MED24: variants seen among roughly 807,000 people sequenced by gnomAD.
The protein encoded by MED24 is mediator of RNA polymerase II transcription subunit 24.
MED24 carries 74 observed loss-of-function variants against 118.8 expected under a neutral mutation model. The ratio of observed to expected loss-of-function variants is 0.62; its 90% CI spans 0.52 to 0.76. MED24 has a LOEUF of 0.76. Ranked by LOEUF, MED24 falls within the 30% of genes least tolerant of loss-of-function variation. The pLI is 0.00. For synonymous variants in MED24, 521 were observed against 523.9 expected, an observed-to-expected ratio of 0.99 and a Z score of 0.08; for missense variants, 1,041 against 1,278.9, an observed-to-expected ratio of 0.81 and a Z score of 2.84.
intron 25 of MED24, 55 bp from the exon 26 acceptor site, chr17:40,019,700 C>T: frequency 2.5e-6 from 4 of 1,585,232 alleles, no homozygotes; most frequent in Non-Finnish European, 3.4e-6. Context: ...GGTGTGCTGT[C>T]CCAGGGGGAA....
At chr17:40,054,004 C>A (rs1014622641) in intron 1 of MED24, 1 of 304,554 alleles carries the variant, frequency 3.3e-6, no homozygotes, top group Non-Finnish European at 6.2e-6. Flanking sequence ...GTGGTGCATG[C>A]CTGTAATCCC....
At chr17:40,034,371 C>G (rs1983710733) in intron 6 of MED24, among the ~76,000 whole-genome samples, 1 of 152,162 alleles carries the variant, frequency 6.6e-6, no homozygotes, top group Admixed American at 6.5e-5. Context: ...ATATACTAGT[C>G]CTAAAACAAG....
At chr17:40,038,699 G>C (rs2144938488) in intron 3 of MED24, among the ~76,000 whole-genome samples, 1 of 143,090 alleles carries the variant, frequency 7.0e-6, no homozygotes, top group South Asian at 2.2e-4. Context: ...GACAGAGCAA[G>C]ACTCCATCTC....
intron 3 of MED24, among the ~76,000 whole-genome samples, chr17:40,047,790 C>T (rs1184588000): frequency 2.6e-5 from 4 of 152,012 alleles, no homozygotes; most frequent in African/African-American, 9.7e-5. Context: ...AGCACAATGG[C>T]GCAATCTCGG....
intron 18 of MED24, 125 bp downstream of exon 18, chr17:40,026,522 A>C (rs1210968338): frequency 8.7e-7 from 1 of 1,154,000 alleles, no homozygotes; most frequent in Non-Finnish European, 1.2e-6. Context: ...CGATTACACA[A>C]AATATCAATA....
rs574991562 is a variant in MED24 at position 40,040,624 on chromosome 17, C to CT, written c.214-4471dup. Among the ~76,000 whole-genome samples, 809 of 142,122 alleles carry CT rather than the reference C, an allele frequency of 5.7e-3. 5 individuals are homozygous for CT. The highest frequency in any genetic ancestry group is 0.016 in the African/African-American group (632 of 38,922). The allele number at this position is 142,122 out of a possible 152,430, so 93.2% of individuals were successfully genotyped here. A position where few individuals can be genotyped will look rare whatever the true frequency, so the allele number is the denominator to read the frequency against. The stretch of plus-strand genomic sequence containing the variant: ...AAGTTTTTTTTTTTAATTTTATTTT[C>CT]TTTTTTTTTTTTGAGACAGATTCTC... On this transcript the variant is annotated intron_variant, in intron 3 of 25. Coordinates refer to ENST00000394128, the MANE Select transcript of MED24 (RefSeq NM_014815.4).
chr17:40,049,905 T>C (rs1253888637), intron 3 of MED24, among the ~76,000 whole-genome samples: 2 of 151,286 alleles, frequency 1.3e-5, no homozygotes, highest in African/African-American at 2.4e-5. Context: ...ATCCCAGCAC[T>C]TTGGGAGGCC....
rs751112314 is a variant in MED24, at chr17:40,019,781, T to C, written c.2853+4A>G. 1 of 1,612,106 alleles carries C rather than the reference T, an allele frequency of 6.2e-7. No homozygotes were observed. Reference sequence around the variant, plus strand: ...AGCAGGAGAGCCGGGAAGGTGGTACTCACGGTGGTGAAGGGCATGAACTGC... The same window carrying C: ...AGCAGGAGAGCCGGGAAGGTGGTACCCACGGTGGTGAAGGGCATGAACTGC... On this transcript the variant is annotated splice_donor_region_variant and intron_variant, in intron 25 of 25. Transcript: ENST00000394128.
chr17:40,027,300 C>A (rs1197352382), intron 16 of MED24, 83 bp downstream of exon 16: 5 of 1,440,588 alleles, frequency 3.5e-6, no homozygotes, highest in African/African-American at 2.8e-5. Flanking sequence ...TGAGAGGCTG[C>A]GGGGGCGCAG....
chr17:40,023,762 T>C, intron 19 of MED24: 1 of 192,714 alleles, frequency 5.2e-6, no homozygotes. Context: ...CTAGGCTGAG[T>C]GCTTGGGGGT....
chr17:40,052,459 A>G (rs905361057), intron 3 of MED24, among the ~76,000 whole-genome samples: 1 of 152,162 alleles, frequency 6.6e-6, no homozygotes, highest in African/African-American at 2.4e-5. Flanking sequence ...ACATGTCTAT[A>G]TTACCCACTA....
rs775752066 is a variant in MED24, at chr17:40,027,919, G to A, written c.1437C>T (p.Ser479=). 1.7e-5 allele frequency: 28 copies of A among 1,613,548 alleles called. No homozygotes were observed. The South Asian group carries it at 1.8e-4, about 10-fold the overall frequency. ...ACAGGGCTGACTTACTGCTTTCTTC[G>A]CTGCCATAGGTTGTGAATTCATTCA... The part of the protein sequence containing the change: ...INLNEFTTYG[S]EESTKPASVR... The change falls in exon 15 of 26, where the codon AGC becomes AGT. Residue 479 remains serine, a synonymous_variant. Coordinates refer to ENST00000394128, the MANE Select transcript of MED24 (RefSeq NM_014815.4).
intron 3 of MED24, among the ~76,000 whole-genome samples, chr17:40,046,079 TA>T (rs1172480211): frequency 3.6e-4 from 48 of 134,414 alleles, no homozygotes; most frequent in African/African-American, 1.1e-3. Context: ...GCCCAGCCTC[TA>T]AAAAAAATTT....
chr17:40,029,290 C>A (rs1448666038), intron 13 of MED24, among the ~76,000 whole-genome samples: 1 of 152,170 alleles, frequency 6.6e-6, no homozygotes. Flanking sequence ...CCTCTGCCCC[C>A]CAGGGTTCAG....
Position 40,019,527 on chromosome 17 carries a change from C to G in MED24, c.*2G>C. On this transcript the variant is annotated 3_prime_UTR_variant, in exon 26 of 26. Coordinates refer to ENST00000394128, the MANE Select transcript of MED24 (RefSeq NM_014815.4). ...GCCCCCACTGCGGCCATGCCAAGCCCCTCAGAGTGCAGCAATGGCTTTAGC... is the reference window on the plus strand; with the variant it reads ...GCCCCCACTGCGGCCATGCCAAGCCGCTCAGAGTGCAGCAATGGCTTTAGC... 1 of 1,611,402 alleles carries G rather than the reference C, an allele frequency of 6.2e-7. No homozygotes were observed. The highest frequency in any genetic ancestry group is 1.1e-5 in the South Asian group (1 of 90,914).
At chr17:40,042,479 C>T (rs943782260) in intron 3 of MED24, among the ~76,000 whole-genome samples, 11 of 152,202 alleles carry the variant, frequency 7.2e-5, no homozygotes, top group African/African-American at 2.6e-4. Flanking sequence ...TCAAGACCAG[C>T]CTGGCCAAGA....
chr17:40,034,245 A>T (rs1256289455), intron 6 of MED24, among the ~76,000 whole-genome samples: 1 of 152,224 alleles, frequency 6.6e-6, no homozygotes, highest in Non-Finnish European at 1.5e-5. Flanking sequence ...TTCAGCCAAT[A>T]AACATTTATC....
In MED24 at chr17:40,033,495, C is replaced by A. The variant is rs181784370; in HGVS notation, c.560-39G>T. ...GGAAGTACAGAAACATGATGGGAAA[C>A]AGGAGAGAAGGAGCACCTGGCCCTG... On this transcript the variant is annotated intron_variant, in intron 6 of 25. Transcript: ENST00000394128. This position sits in a 1 kb window ranked among gnomAD's most constrained non-coding sequence, Gnocchi z 5.2. The A allele has an allele frequency of 4.5e-4, 690 of 1,517,882 alleles. 7 individuals are homozygous for A. In the Admixed American group the frequency reaches 0.013, roughly 29 times the overall value. The allele number at this position is 1,517,882 out of a possible 1,614,324, so 94.0% of individuals were successfully genotyped here. A position where few individuals can be genotyped will look rare whatever the true frequency, so the allele number is the denominator to read the frequency against.
At chr17:40,044,619 C>G (rs527342054) in intron 3 of MED24, among the ~76,000 whole-genome samples, 3 of 152,056 alleles carry the variant, frequency 2.0e-5, no homozygotes, top group African/African-American at 7.2e-5. Flanking sequence ...CGGTGGCTCA[C>G]GCCTATAATC....
Sources: allele counts gnomAD v4.1 joint callset (sites outside exome capture counted in the v4.1 genomes callset), GRCh38; gene constraint gnomAD v4.1.1; non-coding constraint Gnocchi (gnomAD v3.1); transcripts MANE v1.5; gene names NCBI Gene and HGNC (gene_info 2026-07-23, HGNC 2026-07-21).